Variants in LINC00305 observed in about 807,000 individuals in gnomAD.
LINC00305 encodes the protein long independently transcribed non-coding RNA 305, also known as long intergenic non-protein coding RNA 305.
intron 1 of LINC00305, among the ~76,000 whole-genome samples, chr18:64,131,226 G>A (rs895390146): frequency 1.3e-5 from 2 of 152,180 alleles, no homozygotes; most frequent in African/African-American, 4.8e-5. Context: ...TAATATTCAT[G>A]ACTAAACGTT....
At chr18:64,122,039 T>C (rs1458739471) in intron 1 of LINC00305, among the ~76,000 whole-genome samples, 3 of 152,096 alleles carry the variant, frequency 2.0e-5, no homozygotes, top group Admixed American at 2.0e-4. Flanking sequence ...ATTACTTCTT[T>C]GATTTTTTGT....
intron 1 of LINC00305, among the ~76,000 whole-genome samples, chr18:64,123,692 A>G (rs2051372247): frequency 1.3e-5 from 2 of 151,816 alleles, no homozygotes; most frequent in South Asian, 4.2e-4. Context: ...TCCATGTGCT[A>G]TGATTTGGAT....
intron 1 of LINC00305, among the ~76,000 whole-genome samples, chr18:64,122,470 A>T (rs896059816): frequency 1.3e-5 from 2 of 151,902 alleles, no homozygotes; most frequent in Admixed American, 6.6e-5. Context: ...GATCTTGTCT[A>T]TTTTGTCAAA....
chr18:64,137,329 A>G (rs1163237130), intron 1 of LINC00305, among the ~76,000 whole-genome samples: 1 of 152,176 alleles, frequency 6.6e-6, no homozygotes, highest in African/African-American at 2.4e-5. Flanking sequence ...TAGCCTCCAG[A>G]ACTGTGAGAG....
chr18:64,082,560 C>T (rs939863576), intron 3 of LINC00305, among the ~76,000 whole-genome samples: 1 of 152,180 alleles, frequency 6.6e-6, no homozygotes, highest in Non-Finnish European at 1.5e-5. Context: ...ATCCTTTGGG[C>T]AGCTACAGTG....
chr18:64,082,310 C>A (rs1445761785), intron 3 of LINC00305, among the ~76,000 whole-genome samples: 1 of 151,970 alleles, frequency 6.6e-6, no homozygotes, highest in Admixed American at 6.6e-5. Context: ...GGACAGAAGA[C>A]AACAGAGAGA....
At chr18:64,089,441 A>G (rs1459010446) in intron 3 of LINC00305, among the ~76,000 whole-genome samples, 1 of 152,190 alleles carries the variant, frequency 6.6e-6, no homozygotes, top group Non-Finnish European at 1.5e-5. Context: ...AGCAGTGTGA[A>G]AATGGACTAA....
chr18:64,127,203 G>A (rs1214308940), intron 1 of LINC00305, among the ~76,000 whole-genome samples: 3 of 151,946 alleles, frequency 2.0e-5, no homozygotes, highest in Non-Finnish European at 4.4e-5. Flanking sequence ...AGGGTCCCTT[G>A]TCACTGCTAT....
chr18:64,126,467 C>T (rs1401570540), intron 1 of LINC00305, among the ~76,000 whole-genome samples: 1 of 151,848 alleles, frequency 6.6e-6, no homozygotes, highest in Non-Finnish European at 1.5e-5. Flanking sequence ...ATTATTAGGC[C>T]CCTTCTCGGC....
intron 1 of LINC00305, among the ~76,000 whole-genome samples, chr18:64,140,211 T>C (rs950962325): frequency 6.6e-6 from 1 of 150,990 alleles, no homozygotes; most frequent in Non-Finnish European, 1.5e-5. Context: ...TTGATTTTCT[T>C]TCTTTCTTTT....
intron 1 of LINC00305, among the ~76,000 whole-genome samples, chr18:64,123,183 T>G (rs1458917532): frequency 6.6e-6 from 1 of 152,140 alleles, no homozygotes; most frequent in Non-Finnish European, 1.5e-5. Flanking sequence ...TTTCCTTGCC[T>G]GGTTTATCTG....
chr18:64,102,481 A>G (rs950683573), intron 1 of LINC00305, among the ~76,000 whole-genome samples: 31 of 152,206 alleles, frequency 2.0e-4, no homozygotes, highest in Admixed American at 5.9e-4. Context: ...GTAAAATATA[A>G]TGGCATTTTA....
chr18:64,137,399 G>GA (rs2051439928), intron 1 of LINC00305, among the ~76,000 whole-genome samples: 1 of 152,188 alleles, frequency 6.6e-6, no homozygotes, highest in Non-Finnish European at 1.5e-5. Context: ...ACAACCCTGG[G>GA]AAATTGCAAC....
intron 1 of LINC00305, among the ~76,000 whole-genome samples, chr18:64,126,759 A>C (rs1030142535): frequency 1.3e-5 from 2 of 152,046 alleles, no homozygotes; most frequent in African/African-American, 2.4e-5. Flanking sequence ...TCATCTTTAC[A>C]TCTCTCACCC....
intron 3 of LINC00305, among the ~76,000 whole-genome samples, chr18:64,086,151 A>T (rs940654188): frequency 1.3e-5 from 2 of 152,222 alleles, no homozygotes; most frequent in African/African-American, 4.8e-5. Context: ...GAGCTGGCCC[A>T]AAAATGTTCT....
intron 1 of LINC00305, among the ~76,000 whole-genome samples, chr18:64,130,650 G>A (rs2051405660): frequency 6.6e-6 from 1 of 152,122 alleles, no homozygotes; most frequent in Admixed American, 6.6e-5. Flanking sequence ...ACAGAGAGGA[G>A]GGATTCATCA....
chr18:64,124,731 A>C (rs563962845), intron 1 of LINC00305, among the ~76,000 whole-genome samples: 1 of 152,132 alleles, frequency 6.6e-6, no homozygotes, highest in Non-Finnish European at 1.5e-5. Context: ...TGTATCAGGC[A>C]CTGAATTAAG....
chr18:64,112,682 A>G (rs1006396772), intron 1 of LINC00305, among the ~76,000 whole-genome samples: 7 of 152,202 alleles, frequency 4.6e-5, no homozygotes, highest in Admixed American at 1.3e-4. Flanking sequence ...ATAAATATTT[A>G]TTACAAATCT....
intron 3 of LINC00305, among the ~76,000 whole-genome samples, chr18:64,081,291 A>G (rs2051183975): frequency 6.6e-6 from 1 of 152,260 alleles, no homozygotes; most frequent in Non-Finnish European, 1.5e-5. Flanking sequence ...ATCTCTTTAG[A>G]TAGATTCCAG....
Sources: allele counts gnomAD v4.1 joint callset (sites outside exome capture counted in the v4.1 genomes callset), GRCh38; gene constraint gnomAD v4.1.1; transcripts MANE v1.5; gene names NCBI Gene and HGNC (gene_info 2026-07-23, HGNC 2026-07-21).